The following CCDC169 variants were observed in gnomAD, a reference collection of about 807,000 sequenced individuals.
The protein encoded by CCDC169 is coiled-coil domain containing 169.
Under a neutral mutation model 36.0 loss-of-function variants are expected in CCDC169, and 30 were observed. The ratio of observed to expected loss-of-function variants is 0.83; its 90% CI spans 0.62 to 1.13. The LOEUF (loss-of-function observed/expected upper bound fraction) is 1.13, where lower values mean the gene tolerates loss of function less well. Ranked by LOEUF, CCDC169 falls within the 50% of genes most tolerant of loss-of-function variation. The probability of loss-of-function intolerance (pLI) is 0.00; values close to 1 mark genes in which losing one functional copy is unlikely to be tolerated. For missense variants in CCDC169, 245 were observed against 245.9 expected (o/e 1.00, Z 0.03); for synonymous variants, 85 against 81.5 (o/e 1.04, Z -0.23).
downstream of CCDC169, chr13:36,226,476 G>C (rs1405415504): frequency 6.6e-6 from 1 of 152,212 alleles, no homozygotes; most frequent in Non-Finnish European, 1.5e-5. Flanking sequence ...ACAGGAGGTG[G>C]AGTTCAGGTG....
At chr13:36,271,622 T>C (rs1876073558) in intron 4 of CCDC169, among the ~76,000 whole-genome samples, 2 of 152,110 alleles carry the variant, frequency 1.3e-5, no homozygotes, top group African/African-American at 4.8e-5. Flanking sequence ...TTGGATGGAA[T>C]AGAAGGGTAA....
At chr13:36,280,056 A>G (rs527359583) in intron 4 of CCDC169, 32 of 150,874 alleles carry the variant, frequency 2.1e-4, no homozygotes, top group African/African-American at 6.8e-4. Flanking sequence ...TATACAACTG[A>G]TAAAATTTAC....
At chr13:36,230,372 A>G (rs1357340515), downstream of CCDC169, among the ~76,000 whole-genome samples, 1 of 152,230 alleles carries the variant, frequency 6.6e-6, no homozygotes, top group Non-Finnish European at 1.5e-5. Flanking sequence ...AGAGGATTCA[A>G]TACATTTTAT....
At position 36,253,808 on chromosome 13, in the gene CCDC169, A is replaced by T; in HGVS notation, c.463T>A (p.Ser155Thr). Residue 155 changes from serine (S) to threonine (T), a missense_variant, in exon 6 of 8, where the codon TCT becomes ACT. Physicochemically the swap from Ser to Thr is moderately conservative, Grantham distance 58 (BLOSUM62 1). Transcript: ENST00000239859. Reference protein sequence around the residue: ...NERRTYLAEMSQGSGLHQVSK... With the variant: ...NERRTYLAEMTQGSGLHQVSK... ...TGGAAATAAAAAAGAGTTACCTGAG[A>T]CATTTCAGCTAGGTATGTACGGCGT... 1 of 1,548,968 alleles carries T rather than the reference A, an allele frequency of 6.5e-7. No homozygotes were observed. Among genetic ancestry groups the T allele is most frequent in the African/African-American group, 1.4e-5 (1 of 73,032 alleles).
At chr13:36,231,413 G>T in intron 7 of CCDC169, 121 bp from the exon 8 acceptor site, 1 of 897,880 alleles carries the variant, frequency 1.1e-6, no homozygotes, top group Non-Finnish European at 1.7e-6. Context: ...CCTTCACACG[G>T]AAACCTTCCT....
chr13:36,262,147 G>A (rs1284268476), intron 4 of CCDC169, among the ~76,000 whole-genome samples: 3 of 152,098 alleles, frequency 2.0e-5, no homozygotes, highest in Non-Finnish European at 4.4e-5. Context: ...ACCCAGAAAT[G>A]ACTTATGTTA....
chr13:36,292,358 A>C (rs1345787505), intron 2 of CCDC169, among the ~76,000 whole-genome samples: 1 of 152,082 alleles, frequency 6.6e-6, no homozygotes, highest in Non-Finnish European at 1.5e-5. Context: ...GTGAGGTTTC[A>C]ATTTTTTTAA....
chr13:36,233,219 C>T (rs928671624), intron 7 of CCDC169, among the ~76,000 whole-genome samples: 4 of 124,144 alleles, frequency 3.2e-5, no homozygotes, highest in African/African-American at 7.9e-5. Flanking sequence ...TAAGCTAACT[C>T]AGCAGAGACT....
chr13:36,272,504 T>C (rs149264269), intron 4 of CCDC169, among the ~76,000 whole-genome samples: 175 of 152,320 alleles, frequency 1.1e-3, no homozygotes, highest in African/African-American at 4.0e-3. Context: ...AGGTTCATTG[T>C]TGGGTCACCA....
At chr13:36,281,680 G>A (rs537916425) in intron 4 of CCDC169, among the ~76,000 whole-genome samples, 9 of 152,112 alleles carry the variant, frequency 5.9e-5, no homozygotes, top group South Asian at 4.1e-4. Context: ...TGGGACACAC[G>A]GTGAAACCTC....
intron 4 of CCDC169, among the ~76,000 whole-genome samples, chr13:36,255,027 AT>A (rs1040650243): frequency 2.4e-4 from 36 of 149,946 alleles, no homozygotes; most frequent in East Asian, 1.2e-3. Flanking sequence ...TGTTGTGGTC[AT>A]TTTTTTTTCC....
chr13:36,285,614 G>GATAGATAGATAGATAGATAGATAGATAC (rs568184993), intron 2 of CCDC169, among the ~76,000 whole-genome samples: 20 of 138,072 alleles, frequency 1.4e-4, no homozygotes, highest in Admixed American at 5.7e-4. Context: ...TAGATAGATA[G>GATAGATAGATAGATAGATAGATAGATAC]ATAGATACAT....
At chr13:36,290,393 G>A (rs1312515178) in intron 2 of CCDC169, among the ~76,000 whole-genome samples, 2 of 152,096 alleles carry the variant, frequency 1.3e-5, no homozygotes, top group Non-Finnish European at 2.9e-5. Flanking sequence ...CTACCTATAA[G>A]TTTCCTTTCC....
At chr13:36,278,380 C>T (rs922111301) in intron 4 of CCDC169, among the ~76,000 whole-genome samples, 1 of 152,056 alleles carries the variant, frequency 6.6e-6, no homozygotes, top group East Asian at 1.9e-4. Flanking sequence ...ACCTACGTTT[C>T]GAGGGAAAAT....
At chr13:36,258,249 T>C (rs1732660708) in intron 4 of CCDC169, among the ~76,000 whole-genome samples, 1 of 152,162 alleles carries the variant, frequency 6.6e-6, no homozygotes, top group African/African-American at 2.4e-5. Flanking sequence ...CAGCAGCTGC[T>C]GTCTGGGCCA....
chr13:36,288,565 T>A (rs929793800), intron 2 of CCDC169, among the ~76,000 whole-genome samples: 1 of 152,196 alleles, frequency 6.6e-6, no homozygotes, highest in Non-Finnish European at 1.5e-5. Context: ...GAAAACATAT[T>A]TCTAAAATTG....
At chr13:36,261,551 G>A (rs1874608510) in intron 4 of CCDC169, among the ~76,000 whole-genome samples, 1 of 152,142 alleles carries the variant, frequency 6.6e-6, no homozygotes. Flanking sequence ...CACTCAAAAG[G>A]GCTCCTTTAG....
intron 4 of CCDC169, 30 bp from the exon 5 acceptor site, chr13:36,254,173 G>A (rs1459956667): frequency 1.4e-6 from 2 of 1,399,086 alleles, no homozygotes; most frequent in Non-Finnish European, 1.9e-6. Flanking sequence ...AATTTTATAT[G>A]TACTCATGTT....
chr13:36,227,496 A>G (rs1221114421), downstream of CCDC169: 1 of 1,130,408 alleles, frequency 8.8e-7, no homozygotes, highest in Non-Finnish European at 1.1e-6. Context: ...ACACATATAC[A>G]CAAAAATAAA....
Sources: allele counts gnomAD v4.1 joint callset (sites outside exome capture counted in the v4.1 genomes callset), GRCh38; gene constraint gnomAD v4.1.1; transcripts MANE v1.5; gene names NCBI Gene and HGNC (gene_info 2026-07-23, HGNC 2026-07-21).